The following RHBDL2 variants were observed in gnomAD, a reference collection of about 807,000 sequenced individuals.
The protein encoded by RHBDL2 is rhomboid-related protein 2.
A neutral mutation model predicts 31.7 loss-of-function variants in RHBDL2; 26 were observed. The ratio of observed to expected loss-of-function variants is 0.82; its 90% confidence interval spans 0.60 to 1.14. The LOEUF (loss-of-function observed/expected upper bound fraction) is 1.14. Ranked by LOEUF, RHBDL2 falls within the 50% of genes most tolerant of loss-of-function variation. RHBDL2 has a pLI of 0.00. For missense variants in RHBDL2, 336 were observed against 364.4 expected, an observed-to-expected ratio of 0.92 and a Z score of 0.63; for synonymous variants, 123 against 127.2, an observed-to-expected ratio of 0.97 and a Z score of 0.22.
At position 38,919,134 on chromosome 1, in the gene RHBDL2, C is replaced by T. The variant is rs1410665847; in HGVS notation, c.79G>A (p.Glu27Lys). ...GREMKEELEE[E>K]EKMREDGGGK... ...CCCCCATCCTCTCTCATTTTCTCCT[C>T]TTCCTCCAGCTCTTCTTTCATCTCT... Residue 27 changes from glutamate (E) to lysine (K), a missense_variant, in exon 2 of 8, where the codon GAG becomes AAG. Transcript: ENST00000372990. 1.2e-6 allele frequency: 2 copies of T among 1,614,038 alleles called. No individual in the cohort carries two copies. The highest frequency in any genetic ancestry group is 2.7e-5 in the African/African-American group (2 of 74,922).
intron 1 of RHBDL2, among the ~76,000 whole-genome samples, chr1:38,940,486 A>T (rs558952402): frequency 6.6e-6 from 1 of 152,216 alleles, no homozygotes; most frequent in East Asian, 1.9e-4. Context: ...GGAGCGAGCC[A>T]TGGAACCCAA....
chr1:38,898,642 C>T (rs1010352091), intron 4 of RHBDL2, among the ~76,000 whole-genome samples: 4 of 152,080 alleles, frequency 2.6e-5, no homozygotes, highest in African/African-American at 9.7e-5. Flanking sequence ...CAGAATACAG[C>T]GCATGAAGCA....
chr1:38,933,682 T>C (rs972037902), intron 1 of RHBDL2, among the ~76,000 whole-genome samples: 2 of 151,248 alleles, frequency 1.3e-5, no homozygotes, highest in Admixed American at 6.6e-5. Flanking sequence ...AGCAAACACA[T>C]GGCCGGCGAT....
intron 1 of RHBDL2, among the ~76,000 whole-genome samples, chr1:38,919,576 A>C (rs1264650840): frequency 6.6e-6 from 1 of 151,198 alleles, no homozygotes; most frequent in Non-Finnish European, 1.5e-5. Context: ...AAAATTTACC[A>C]TTTTCGCCAT....
At chr1:38,930,801 T>C (rs1643432040) in intron 1 of RHBDL2, among the ~76,000 whole-genome samples, 1 of 152,214 alleles carries the variant, frequency 6.6e-6, no homozygotes, top group Non-Finnish European at 1.5e-5. Context: ...TAGATATTTG[T>C]GGGCATTTCT....
intron 7 of RHBDL2, among the ~76,000 whole-genome samples, 171 bp downstream of exon 7, chr1:38,887,792 T>G (rs560844586): frequency 1.3e-5 from 2 of 152,314 alleles, no homozygotes; most frequent in Admixed American, 6.5e-5. Flanking sequence ...ATCAGGGCTG[T>G]GAGAGAGTTA....
intron 4 of RHBDL2, among the ~76,000 whole-genome samples, chr1:38,907,489 G>A (rs576218985): frequency 3.9e-5 from 6 of 152,164 alleles, no homozygotes; most frequent in African/African-American, 9.7e-5. Context: ...GCAGTGAGCC[G>A]AGATCGCGCC....
intron 3 of RHBDL2, among the ~76,000 whole-genome samples, chr1:38,913,890 A>G (rs1181812368): frequency 6.6e-6 from 1 of 152,102 alleles, no homozygotes; most frequent in African/African-American, 2.4e-5. Flanking sequence ...AGGCCAAGGC[A>G]GGCGGATCAC....
At chr1:38,889,451 G>T (rs561958751) in intron 6 of RHBDL2, among the ~76,000 whole-genome samples, 1 of 152,262 alleles carries the variant, frequency 6.6e-6, no homozygotes, top group Non-Finnish European at 1.5e-5. Flanking sequence ...CTATAAGGGA[G>T]CAAGAACAGG....
At position 38,919,188 on chromosome 1, in the gene RHBDL2, T is replaced by A. The variant is rs148931378; in HGVS notation, c.25A>T (p.Met9Leu). Residue 9 changes from methionine to leucine, a missense_variant, in exon 2 of 8, where the codon ATG becomes TTG. Met to Leu is a conservative substitution (Grantham distance 15). Coordinates refer to ENST00000372990, the MANE Select transcript of RHBDL2 (RefSeq NM_017821.5). MAAVHDLE[M>L]ESMNLNMGRE... is the part of the protein sequence containing the mutation. ...CCCATATTCAGATTCATGCTCTCCA[T>A]CTCCAGATCATGAACAGCAGCCATT... 1.4e-4 allele frequency: 232 copies of A among 1,614,004 alleles called. No homozygotes were observed. In the African/African-American group the frequency reaches 2.6e-3, roughly 18 times the overall value.
At chr1:38,920,534 C>T (rs1306352365) in intron 1 of RHBDL2, among the ~76,000 whole-genome samples, 1 of 151,732 alleles carries the variant, frequency 6.6e-6, no homozygotes, top group Non-Finnish European at 1.5e-5. Flanking sequence ...TTTGTTTATC[C>T]ACTCGTCTGT....
intron 4 of RHBDL2, among the ~76,000 whole-genome samples, chr1:38,903,407 T>C (rs535818308): frequency 1.3e-5 from 2 of 152,324 alleles, no homozygotes; most frequent in African/African-American, 4.8e-5. Context: ...CCCAAAGTGC[T>C]GGGATTACAG....
chr1:38,929,324 G>T, intron 1 of RHBDL2: 1 of 1,091,734 alleles, frequency 9.2e-7, no homozygotes, highest in Non-Finnish European at 1.2e-6. Context: ...AGGACTCTAG[G>T]TGGACACAAG....
chr1:38,899,148 C>G (rs1272428995), intron 4 of RHBDL2, among the ~76,000 whole-genome samples: 1 of 152,132 alleles, frequency 6.6e-6, no homozygotes. Context: ...GGAAACTGCT[C>G]TCAATACAGA....
chr1:38,897,368 G>A (rs1408980796), intron 4 of RHBDL2, among the ~76,000 whole-genome samples: 2 of 152,088 alleles, frequency 1.3e-5, no homozygotes, highest in Admixed American at 6.6e-5. Context: ...CCAAAGTGCT[G>A]GGATTACAGG....
intron 1 of RHBDL2, chr1:38,929,303 C>G: frequency 1.1e-6 from 1 of 897,590 alleles, no homozygotes; most frequent in Non-Finnish European, 1.5e-6. Context: ...ACCATCCCCA[C>G]TGCTACGACG....
chr1:38,896,553 A>G (rs1642920473), intron 4 of RHBDL2, among the ~76,000 whole-genome samples: 1 of 152,210 alleles, frequency 6.6e-6, no homozygotes, highest in African/African-American at 2.4e-5. Context: ...AAAAACTGCA[A>G]TTATTTTTGC....
chr1:38,908,487 G>A (rs1329110404), intron 4 of RHBDL2, among the ~76,000 whole-genome samples: 1 of 141,056 alleles, frequency 7.1e-6, no homozygotes, highest in Non-Finnish European at 1.5e-5. Flanking sequence ...ACTCCAACCT[G>A]GGCAACAAGA....
At chr1:38,936,540 A>G (rs1468119759) in intron 1 of RHBDL2, among the ~76,000 whole-genome samples, 2 of 137,404 alleles carry the variant, frequency 1.5e-5, no homozygotes, top group Non-Finnish European at 3.1e-5. Flanking sequence ...TGCTCTTGTC[A>G]CCCAGTTGGA....
Sources: allele counts gnomAD v4.1 joint callset (sites outside exome capture counted in the v4.1 genomes callset), GRCh38; gene constraint gnomAD v4.1.1; transcripts MANE v1.5; gene names NCBI Gene and HGNC (gene_info 2026-07-23, HGNC 2026-07-21).